TSHZ1: variants seen among roughly 807,000 people sequenced by gnomAD.
TSHZ1 encodes teashirt zinc finger homeobox 1, also known as teashirt homolog 1.
TSHZ1 carries 12 observed loss-of-function variants against 67.1 expected under a neutral mutation model. The observed-to-expected ratio is 0.18, with a 90% CI of 0.11 to 0.29. The LOEUF (loss-of-function observed/expected upper bound fraction) is 0.29, where lower values mean the gene tolerates loss of function less well. Among genes scored for constraint, TSHZ1 ranks in the 10% least tolerant of loss-of-function variants. TSHZ1 has a pLI of 1.00. For synonymous variants in TSHZ1, 632 were observed against 622.4 expected, an observed-to-expected ratio of 1.02 and a Z score of -0.23; for missense variants, 1,305 against 1,413.9, an observed-to-expected ratio of 0.92 and a Z score of 1.23.
At chr18:75,232,344 CTA>C (rs1323220860) in intron 1 of TSHZ1, among the ~76,000 whole-genome samples, 1 of 152,124 alleles carries the variant, frequency 6.6e-6, no homozygotes, top group Non-Finnish European at 1.5e-5. Flanking sequence ...TTTTAGGGGA[CTA>C]TGTGTTGTAT....
intron 1 of TSHZ1, among the ~76,000 whole-genome samples, chr18:75,256,451 A>C (rs1253787745): frequency 6.6e-5 from 10 of 152,162 alleles, no homozygotes; most frequent in Admixed American, 2.0e-4. Context: ...AACTGAGTCT[A>C]CTTCCCCTGG....
In TSHZ1 at chr18:75,257,086, G is replaced by A. The variant is rs548948243; in HGVS notation, c.41-28362G>A. The stretch of plus-strand genomic sequence containing the variant: ...TGAAACACCCTACTCTATCTGCATC[G>A]CTGATGAAAGGGGCCCATACTTCTA... On this transcript the variant is annotated intron_variant, in intron 1 of 1. Transcript: ENST00000580243. Among the ~76,000 whole-genome samples, 11 of 152,222 alleles carry A rather than the reference G, an allele frequency of 7.2e-5. No individual in the cohort carries two copies. The South Asian group carries it at 1.2e-3, about 17-fold the overall frequency.
chr18:75,269,510 A>T (rs970904872), intron 1 of TSHZ1, among the ~76,000 whole-genome samples: 4 of 152,164 alleles, frequency 2.6e-5, no homozygotes, highest in Admixed American at 2.6e-4. Context: ...GCAGGTGGCA[A>T]TGCTGGAGCC....
chr18:75,282,576 G>A (rs2023699725), intron 1 of TSHZ1, among the ~76,000 whole-genome samples: 1 of 152,174 alleles, frequency 6.6e-6, no homozygotes, highest in Admixed American at 6.5e-5. Context: ...TCGTCCAACA[G>A]AGGTGGCCTT....
intron 1 of TSHZ1, among the ~76,000 whole-genome samples, chr18:75,276,843 G>A (rs181507678): frequency 1.4e-4 from 22 of 152,334 alleles, no homozygotes; most frequent in East Asian, 3.9e-4. Context: ...GAAGACCTGC[G>A]TTTGTGTTTG....
chr18:75,264,403 T>G (rs1377923348), intron 1 of TSHZ1, among the ~76,000 whole-genome samples: 1 of 152,176 alleles, frequency 6.6e-6, no homozygotes, highest in Non-Finnish European at 1.5e-5. Context: ...CAGATAACTT[T>G]TGCATGCGGG....
intron 1 of TSHZ1, among the ~76,000 whole-genome samples, chr18:75,266,448 G>A (rs749072925): frequency 1.3e-5 from 2 of 152,192 alleles, no homozygotes; most frequent in Non-Finnish European, 2.9e-5. Flanking sequence ...GATTCGAGGA[G>A]GGGTGGGTGT....
intron 1 of TSHZ1, chr18:75,283,246 C>G (rs183444658): frequency 3.3e-5 from 5 of 152,442 alleles, no homozygotes; most frequent in African/African-American, 1.2e-4. Context: ...ACCTTGTAGC[C>G]CAAGCCAACA....
intron 1 of TSHZ1, among the ~76,000 whole-genome samples, chr18:75,242,863 C>T (rs976880447): frequency 6.6e-5 from 10 of 152,154 alleles, no homozygotes; most frequent in African/African-American, 2.4e-4. Context: ...TCCTAATATC[C>T]GTGGGTCCTG....
chr18:75,239,959 CAT>C lies in TSHZ1; in HGVS notation c.40+28044_40+28045del, dbSNP rs201956830. Among the ~76,000 whole-genome samples, 38 of 152,294 alleles carry C rather than the reference CAT, an allele frequency of 2.5e-4. No homozygotes were observed. In the East Asian group the frequency reaches 4.4e-3, roughly 18 times the overall value. On this transcript the variant is annotated intron_variant, in intron 1 of 1. Coordinates refer to ENST00000580243, the MANE Select transcript of TSHZ1 (RefSeq NM_001308210.2). ...AAACTCTATTTCTTGATGTTTCTAA[CAT>C]GTGTGGCAGGGTTGTGGTCATTTGT...
Position 75,287,963 on chromosome 18 carries a change from G to C in TSHZ1, c.2556G>C (p.Thr852=), listed in dbSNP as rs190970728. The C allele has an allele frequency of 1.9e-6, 3 of 1,614,044 alleles. No individual in the cohort carries two copies. In the African/African-American group the frequency reaches 4.0e-5, roughly 22 times the overall value. Residue 852 remains threonine (T), a synonymous_variant, in exon 2 of 2, where the codon ACG becomes ACC. Coordinates refer to ENST00000580243, the MANE Select transcript of TSHZ1 (RefSeq NM_001308210.2). The surrounding 1 kb of genome is among the most constrained non-coding windows in gnomAD (Gnocchi z 5.0). Reference sequence around the variant, plus strand: ...TGAAAAACCTCACAGGCCGCCTGACGCCCAAGTCCTCCACGCCCTCCACAG... The same window carrying C: ...TGAAAAACCTCACAGGCCGCCTGACCCCCAAGTCCTCCACGCCCTCCACAG... ...DMVKNLTGRL[T]PKSSTPSTVS...
chr18:75,246,403 G>GGTGTGGGTGTGTGT (rs2023222747), intron 1 of TSHZ1, among the ~76,000 whole-genome samples: 2 of 108,432 alleles, frequency 1.8e-5, no homozygotes, highest in South Asian at 7.6e-4. Flanking sequence ...TTTGGTTTCT[G>GGTGTGGGTGTGTGT]GTGTGTGTGT....
intron 1 of TSHZ1, among the ~76,000 whole-genome samples, chr18:75,238,074 T>C (rs2023103120): frequency 6.6e-6 from 1 of 152,194 alleles, no homozygotes; most frequent in African/African-American, 2.4e-5. Flanking sequence ...GTGCTGGGAT[T>C]ACAAGCGTGA....
intron 1 of TSHZ1, among the ~76,000 whole-genome samples, chr18:75,278,997 A>G (rs2023651013): frequency 6.6e-6 from 1 of 152,024 alleles, no homozygotes; most frequent in Non-Finnish European, 1.5e-5. Context: ...GGCTGTCCCA[A>G]AGACCGTTCC....
At chr18:75,241,981 G>A (rs571034387) in intron 1 of TSHZ1, among the ~76,000 whole-genome samples, 16 of 149,126 alleles carry the variant, frequency 1.1e-4, no homozygotes, top group Non-Finnish European at 8.9e-5. Flanking sequence ...AATTATATCT[G>A]CAAACACCCT....
intron 1 of TSHZ1, among the ~76,000 whole-genome samples, chr18:75,227,756 T>C (rs2022944778): frequency 6.6e-6 from 1 of 152,234 alleles, no homozygotes. Flanking sequence ...CCAGGAACTT[T>C]CCAGAAAGAA....
intron 1 of TSHZ1, among the ~76,000 whole-genome samples, chr18:75,217,343 A>T (rs1296891555): frequency 2.0e-5 from 3 of 152,190 alleles, no homozygotes; most frequent in Non-Finnish European, 4.4e-5. Flanking sequence ...TCTGAATCGA[A>T]TAATAGAACT....
chr18:75,232,839 A>G (rs2023017823), intron 1 of TSHZ1, among the ~76,000 whole-genome samples: 1 of 152,370 alleles, frequency 6.6e-6, no homozygotes, highest in African/African-American at 2.4e-5. Flanking sequence ...GAGATTTTCT[A>G]CAGATAAATG....
intron 1 of TSHZ1, among the ~76,000 whole-genome samples, chr18:75,260,139 G>T (rs536466140): frequency 6.6e-6 from 1 of 152,242 alleles, no homozygotes; most frequent in Non-Finnish European, 1.5e-5. Flanking sequence ...GGCAGGCCTG[G>T]CCCCGGAGGG....
Sources: gnomAD v4.1 joint callset for allele counts (sites outside exome capture counted in the v4.1 genomes callset) on GRCh38, gnomAD v4.1.1 for gene constraint, Gnocchi (gnomAD v3.1) non-coding constraint, MANE v1.5 for transcripts, NCBI Gene and HGNC (gene_info 2026-07-23, HGNC 2026-07-21) for gene names.